The following RABGAP1L variants were observed in gnomAD, a reference collection of about 807,000 sequenced individuals.
RABGAP1L encodes RAB GTPase activating protein 1 like, also known as rab GTPase-activating protein 1-like.
Under a neutral mutation model 137.7 loss-of-function variants are expected in RABGAP1L, and 63 were observed. The ratio of observed to expected loss-of-function variants is 0.46; its 90% CI spans 0.37 to 0.56. The LOEUF (loss-of-function observed/expected upper bound fraction) is 0.56, where lower values mean the gene tolerates loss of function less well. RABGAP1L is among the 20% of genes least tolerant of loss of function. RABGAP1L has a pLI of 0.00. For missense variants in RABGAP1L, 1,095 were observed against 1,244.0 expected, an observed-to-expected ratio of 0.88 and a Z score of 1.80; for synonymous variants, 431 against 433.7, an observed-to-expected ratio of 0.99 and a Z score of 0.08.
At chr1:174,708,311 T>C (rs1240990910) in intron 17 of RABGAP1L, among the ~76,000 whole-genome samples, 1 of 152,160 alleles carries the variant, frequency 6.6e-6, no homozygotes, top group East Asian at 1.9e-4. Context: ...CAGAATGAGC[T>C]TAATACAAGC....
At chr1:174,474,116 G>A (rs559162368) in intron 13 of RABGAP1L, among the ~76,000 whole-genome samples, 19 of 152,278 alleles carry the variant, frequency 1.2e-4, no homozygotes, top group African/African-American at 4.3e-4. Context: ...AGTGCTTAAT[G>A]TAATCCTAGT....
At chr1:174,830,314 A>C (rs1573397008) in intron 19 of RABGAP1L, among the ~76,000 whole-genome samples, 1 of 146,786 alleles carries the variant, frequency 6.8e-6, no homozygotes, top group African/African-American at 2.5e-5. Context: ...CTGAGGAGAG[A>C]GCTGAAAGTC....
chr1:174,676,900 G>A (rs955040183), intron 14 of RABGAP1L, among the ~76,000 whole-genome samples: 4 of 151,908 alleles, frequency 2.6e-5, no homozygotes, highest in Non-Finnish European at 5.9e-5. Context: ...ATTTATGATA[G>A]CTTAAACCCC....
At chr1:174,548,365 A>G (rs928486784) in intron 13 of RABGAP1L, 39 of 1,057,260 alleles carry the variant, frequency 3.7e-5, no homozygotes, top group Non-Finnish European at 4.4e-5. Flanking sequence ...CCTTACTTTA[A>G]AAGTCCTGTC....
chr1:174,637,415 G>A lies in RABGAP1L; in HGVS notation c.1751G>A (p.Arg584His), dbSNP rs1032758044. The A allele has an allele frequency of 7.4e-6, 12 of 1,613,004 alleles. No homozygotes were observed. The highest frequency in any genetic ancestry group is 2.2e-5 in the South Asian group (2 of 91,044). ...AGTGTTATTACTCGAGATATTCATC[G>A]TACATTTCCCGCACATGATTACTTT... ...QESVITRDIH[R>H]TFPAHDYFKD... is the part of the protein sequence containing the mutation. The change falls in exon 14 of 26, where the codon CGT becomes CAT. Residue 584 changes from arginine to histidine, a missense_variant. Arg to His is a conservative substitution (Grantham distance 29, BLOSUM62 0). This residue lies in a region of RABGAP1L where 315 missense variants were observed against 324.8 expected (regional missense o/e 0.97). Transcript: ENST00000681986.
chr1:174,824,010 C>A (rs570783623), intron 19 of RABGAP1L, among the ~76,000 whole-genome samples: 1 of 152,196 alleles, frequency 6.6e-6, no homozygotes, highest in East Asian at 1.9e-4. Context: ...AAAATTTAGG[C>A]CAGGCGCAGT....
At chr1:174,253,315 G>A (rs1054384946) in intron 7 of RABGAP1L, among the ~76,000 whole-genome samples, 1 of 152,124 alleles carries the variant, frequency 6.6e-6, no homozygotes, top group South Asian at 2.1e-4. Context: ...GTGATGGTGG[G>A]GGTATGGGGC....
intron 13 of RABGAP1L, among the ~76,000 whole-genome samples, chr1:174,406,889 A>G (rs1219216639): frequency 1.3e-5 from 2 of 152,206 alleles, no homozygotes; most frequent in Admixed American, 1.3e-4. Flanking sequence ...GACAAAACCC[A>G]CAATTACTTT....
chr1:174,473,714 T>G (rs947530899), intron 13 of RABGAP1L, among the ~76,000 whole-genome samples: 7 of 152,190 alleles, frequency 4.6e-5, no homozygotes, highest in Admixed American at 1.3e-4. Context: ...AACCACATCT[T>G]GTTTAGAATC....
intron 19 of RABGAP1L, among the ~76,000 whole-genome samples, chr1:174,833,640 T>G (rs924246567): frequency 6.6e-6 from 1 of 150,772 alleles, no homozygotes; most frequent in Non-Finnish European, 1.5e-5. Flanking sequence ...CACTCATTCT[T>G]TCACTTAATC....
intron 18 of RABGAP1L, among the ~76,000 whole-genome samples, chr1:174,769,287 G>A (rs986196645): frequency 1.3e-5 from 2 of 152,018 alleles, no homozygotes; most frequent in Non-Finnish European, 2.9e-5. Flanking sequence ...TGTGGAAAAC[G>A]GTCATCTTGT....
At chr1:174,736,766 TTAACA>T (rs1205368879) in intron 17 of RABGAP1L, among the ~76,000 whole-genome samples, 2 of 152,230 alleles carry the variant, frequency 1.3e-5, no homozygotes, top group Admixed American at 6.5e-5. Context: ...ACCTGCAGAC[TTAACA>T]TGACATGGAA....
intron 13 of RABGAP1L, among the ~76,000 whole-genome samples, chr1:174,603,074 G>C (rs1322956970): frequency 2.0e-5 from 3 of 152,104 alleles, no homozygotes; most frequent in Non-Finnish European, 2.9e-5. Flanking sequence ...GGGCTTGTTT[G>C]TTCCTGTCTT....
intron 18 of RABGAP1L, chr1:174,800,094 G>A (rs1346220006): frequency 8.4e-6 from 11 of 1,311,314 alleles, no homozygotes; most frequent in Non-Finnish European, 7.8e-6. Context: ...TGCTTTTGCC[G>A]TTTTTTATTT....
intron 13 of RABGAP1L, among the ~76,000 whole-genome samples, chr1:174,589,811 G>A (rs906262297): frequency 2.6e-5 from 4 of 152,020 alleles, no homozygotes; most frequent in African/African-American, 9.7e-5. Flanking sequence ...CTGTTCCATT[G>A]GTCTATGTGT....
chr1:174,851,343 T>C (rs1008460254), intron 19 of RABGAP1L, among the ~76,000 whole-genome samples: 1 of 152,368 alleles, frequency 6.6e-6, no homozygotes, highest in Middle Eastern at 3.4e-3. Flanking sequence ...CAGTGTCATG[T>C]GTCAGCCAGA....
intron 1 of RABGAP1L, among the ~76,000 whole-genome samples, chr1:174,175,606 G>A (rs1665776483): frequency 1.4e-5 from 2 of 147,310 alleles, no homozygotes; most frequent in Admixed American, 1.4e-4. Flanking sequence ...ACAGGCACGT[G>A]CCACCACGCC....
At chr1:174,988,404 C>T (rs1380175387) in intron 24 of RABGAP1L, among the ~76,000 whole-genome samples, 1 of 152,116 alleles carries the variant, frequency 6.6e-6, no homozygotes, top group East Asian at 1.9e-4. Flanking sequence ...AGAGATGCTA[C>T]AATACCTTCT....
intron 19 of RABGAP1L, among the ~76,000 whole-genome samples, chr1:174,869,564 TG>T (rs1339110966): frequency 6.6e-6 from 1 of 152,164 alleles, no homozygotes; most frequent in Non-Finnish European, 1.5e-5. Context: ...TACCCAGTCT[TG>T]GGGTTTTTCT....
Sources: allele counts gnomAD v4.1 joint callset (sites outside exome capture counted in the v4.1 genomes callset), GRCh38; gene constraint gnomAD v4.1.1; regional missense constraint gnomAD v4.1.1; transcripts MANE v1.5; gene names NCBI Gene and HGNC (gene_info 2026-07-23, HGNC 2026-07-21).